Variants in DSCAM observed in about 807,000 individuals in gnomAD.
The protein encoded by DSCAM is DS cell adhesion molecule, also known as cell adhesion molecule DSCAM.
A neutral mutation model predicts 217.7 loss-of-function variants in DSCAM; 47 were observed. The observed-to-expected ratio is 0.22, with a 90% CI of 0.17 to 0.28. DSCAM has a LOEUF of 0.28. Ranked by LOEUF, DSCAM falls within the 10% of genes least tolerant of loss-of-function variation. DSCAM has a pLI of 1.00. For synonymous variants in DSCAM, 1,056 were observed against 1,015.3 expected (o/e 1.04, Z -0.76); for missense variants, 2,080 against 2,618.3 (o/e 0.79, Z 4.49).
At chr21:40,640,808 C>A (rs1370614112) in intron 3 of DSCAM, among the ~76,000 whole-genome samples, 1 of 151,956 alleles carries the variant, frequency 6.6e-6, no homozygotes, top group Non-Finnish European at 1.5e-5. Context: ...AACAGCTCCC[C>A]TTTCCTCTCT....
At chr21:40,515,349 A>G (rs2076291485) in intron 3 of DSCAM, among the ~76,000 whole-genome samples, 1 of 152,130 alleles carries the variant, frequency 6.6e-6, no homozygotes, top group African/African-American at 2.4e-5. Context: ...TCCACTCACC[A>G]CTTGATAACA....
At chr21:40,649,845 C>T (rs2089992093) in intron 3 of DSCAM, among the ~76,000 whole-genome samples, 1 of 152,226 alleles carries the variant, frequency 6.6e-6, no homozygotes, top group African/African-American at 2.4e-5. Flanking sequence ...TATATTTTGT[C>T]TCACCTATTC....
intron 21 of DSCAM, among the ~76,000 whole-genome samples, chr21:40,090,506 C>T (rs1447644381): frequency 6.6e-6 from 1 of 152,178 alleles, no homozygotes; most frequent in Non-Finnish European, 1.5e-5. Context: ...CACTGAGGGG[C>T]ATTTTCGCCT....
At chr21:40,178,638 G>A (rs2090759367) in intron 15 of DSCAM, among the ~76,000 whole-genome samples, 1 of 152,148 alleles carries the variant, frequency 6.6e-6, no homozygotes, top group Non-Finnish European at 1.5e-5. Context: ...CAAAGGAATT[G>A]TAAAACGGCA....
chr21:40,784,485 G>A (rs1345694718), intron 1 of DSCAM, among the ~76,000 whole-genome samples: 1 of 152,104 alleles, frequency 6.6e-6, no homozygotes, highest in Non-Finnish European at 1.5e-5. Flanking sequence ...TGTGAAAACG[G>A]ACTAATACAA....
chr21:40,224,810 T>G (rs1363323018), intron 11 of DSCAM, among the ~76,000 whole-genome samples: 1 of 152,206 alleles, frequency 6.6e-6, no homozygotes, highest in Non-Finnish European at 1.5e-5. Context: ...TAAGGCTACA[T>G]CTTACGTTTC....
chr21:40,206,203 T>C (rs1041799329), intron 11 of DSCAM, among the ~76,000 whole-genome samples: 11 of 152,178 alleles, frequency 7.2e-5, no homozygotes, highest in Non-Finnish European at 2.9e-5. Context: ...CCTGTGTGAA[T>C]AGCAAATGAG....
intron 10 of DSCAM, among the ~76,000 whole-genome samples, chr21:40,280,171 A>T: frequency 7.6e-6 from 1 of 131,656 alleles, no homozygotes; most frequent in Non-Finnish European, 1.6e-5. Context: ...TTCACAGCAG[A>T]TTTTGGTGCC....
At chr21:40,282,714 A>T (rs1366310548) in intron 10 of DSCAM, among the ~76,000 whole-genome samples, 1 of 152,148 alleles carries the variant, frequency 6.6e-6, no homozygotes, top group East Asian at 1.9e-4. Context: ...AATTTACATG[A>T]ATATCCATGT....
intron 3 of DSCAM, among the ~76,000 whole-genome samples, chr21:40,514,709 T>G (rs1306028330): frequency 2.0e-5 from 3 of 152,202 alleles, no homozygotes. Context: ...ACAATTTGCT[T>G]TCATTCCTTA....
intron 3 of DSCAM, among the ~76,000 whole-genome samples, chr21:40,535,203 A>G (rs1356931898): frequency 6.6e-6 from 1 of 152,214 alleles, no homozygotes; most frequent in East Asian, 1.9e-4. Flanking sequence ...AAATAAGATA[A>G]TACATATTTA....
At chr21:40,495,217 C>A (rs962279749) in intron 3 of DSCAM, among the ~76,000 whole-genome samples, 2 of 152,074 alleles carry the variant, frequency 1.3e-5, no homozygotes, top group African/African-American at 4.8e-5. Context: ...GTGAAGCTTG[C>A]AACTCATTTA....
intron 3 of DSCAM, among the ~76,000 whole-genome samples, chr21:40,570,985 G>A (rs1292316259): frequency 6.6e-6 from 1 of 151,856 alleles, no homozygotes; most frequent in Non-Finnish European, 1.5e-5. Flanking sequence ...TTAAGTTAAG[G>A]AAATACAGCA....
chr21:40,222,559 A>G (rs745436462), intron 11 of DSCAM, among the ~76,000 whole-genome samples: 2 of 152,258 alleles, frequency 1.3e-5, no homozygotes, highest in Non-Finnish European at 2.9e-5. Flanking sequence ...TTTTCTTCAT[A>G]TGCTTCAACG....
chr21:40,821,709 C>T (rs923162729), intron 1 of DSCAM, among the ~76,000 whole-genome samples: 4 of 151,978 alleles, frequency 2.6e-5, no homozygotes, highest in Admixed American at 2.0e-4. Flanking sequence ...AGGTTGGTTC[C>T]ATGTCTTTGG....
chr21:40,252,586 G>A (rs1264914093), intron 11 of DSCAM, among the ~76,000 whole-genome samples: 1 of 151,940 alleles, frequency 6.6e-6, no homozygotes, highest in African/African-American at 2.4e-5. Context: ...AAAATATATG[G>A]GAACCTGTGT....
intron 3 of DSCAM, among the ~76,000 whole-genome samples, chr21:40,691,224 T>TA (rs935303722): frequency 1.4e-4 from 22 of 152,304 alleles, no homozygotes; most frequent in African/African-American, 5.3e-4. Context: ...TGAACAGAGA[T>TA]AACATGTGTC....
At chr21:40,655,587 T>A (rs2090066060) in intron 3 of DSCAM, among the ~76,000 whole-genome samples, 1 of 151,968 alleles carries the variant, frequency 6.6e-6, no homozygotes, top group Non-Finnish European at 1.5e-5. Context: ...GGACTACAGG[T>A]GTGCACCACC....
At chr21:40,379,823 G>T (rs1225818202) in intron 3 of DSCAM, among the ~76,000 whole-genome samples, 2 of 152,182 alleles carry the variant, frequency 1.3e-5, no homozygotes, top group Non-Finnish European at 2.9e-5. Flanking sequence ...ATCATATTGA[G>T]GGGGCAGAGC....
Sources: gnomAD v4.1 joint callset for allele counts (sites outside exome capture counted in the v4.1 genomes callset) on GRCh38, gnomAD v4.1.1 for gene constraint, MANE v1.5 for transcripts, NCBI Gene and HGNC (gene_info 2026-07-23, HGNC 2026-07-21) for gene names.